The following MGAT4C variants were observed in gnomAD, a reference collection of about 807,000 sequenced individuals.
MGAT4C encodes the protein alpha-1,3-mannosyl-glycoprotein 4-beta-N-acetylglucosaminyltransferase C.
Under a neutral mutation model 40.1 loss-of-function variants are expected in MGAT4C, and 19 were observed. That is an observed-to-expected ratio of 0.47 (90% CI 0.33 to 0.70). The LOEUF is 0.70. MGAT4C is among the 30% of genes least tolerant of loss of function. The pLI is 0.02. For synonymous variants in MGAT4C, 181 were observed against 187.1 expected, an observed-to-expected ratio of 0.97 and a Z score of 0.27; for missense variants, 491 against 563.2, an observed-to-expected ratio of 0.87 and a Z score of 1.30.
chr12:85,957,053 C>T lies in MGAT4C; in HGVS notation c.*22236G>A, dbSNP rs1312602821. 6.6e-6 allele frequency: 1 copy of T among 152,088 alleles called. No homozygotes were observed. Among genetic ancestry groups the T allele is most frequent in the African/African-American group, 2.4e-5 (1 of 41,414 alleles). The allele number at this position is 152,088 out of a possible 1,614,324, so 9.4% of individuals were successfully genotyped here. ...TAAAATGAGAGTATGTAGATGCGAGCCCTTTGCTGCTGGCAAAGCTTTAAA... is the reference window on the plus strand; with the variant it reads ...TAAAATGAGAGTATGTAGATGCGAGTCCTTTGCTGCTGGCAAAGCTTTAAA... On this transcript the variant is annotated 3_prime_UTR_variant, in exon 5 of 5. Coordinates refer to ENST00000611864, the MANE Select transcript of MGAT4C (RefSeq NM_001351288.2).
chr12:86,237,659 G>A (rs950679333), intron 1 of MGAT4C, among the ~76,000 whole-genome samples: 1 of 151,766 alleles, frequency 6.6e-6, no homozygotes, highest in Non-Finnish European at 1.5e-5. Context: ...TGAATATTAG[G>A]AGATAAATTT....
intron 2 of MGAT4C, among the ~76,000 whole-genome samples, chr12:86,537,448 T>C (rs1287695215): frequency 2.0e-5 from 3 of 151,826 alleles, no homozygotes; most frequent in Non-Finnish European, 4.4e-5. Context: ...TAATAGTAAA[T>C]GATACACAGT....
intron 2 of MGAT4C, among the ~76,000 whole-genome samples, chr12:86,546,836 A>G: frequency 6.6e-6 from 1 of 152,074 alleles, no homozygotes; most frequent in East Asian, 1.9e-4. Context: ...CCCAAAAAAC[A>G]CCACTGTCTA....
At chr12:86,233,126 T>C (rs372601320) in intron 1 of MGAT4C, among the ~76,000 whole-genome samples, 132 of 152,346 alleles carry the variant, frequency 8.7e-4, no homozygotes, top group African/African-American at 3.1e-3. Flanking sequence ...TTGTATCATA[T>C]GTAGTGTTAC....
chr12:86,493,800 TAATAA>T (rs1206693119), intron 2 of MGAT4C, among the ~76,000 whole-genome samples: 5 of 151,656 alleles, frequency 3.3e-5, no homozygotes, highest in African/African-American at 4.8e-5. Context: ...AGTATAATAA[TAATAA>T]AATAAAATAA....
chr12:86,520,439 T>C (rs761703219), intron 2 of MGAT4C, among the ~76,000 whole-genome samples: 1 of 152,206 alleles, frequency 6.6e-6, no homozygotes, highest in African/African-American at 2.4e-5. Flanking sequence ...TAACTCATGA[T>C]GTATATCTAC....
At chr12:86,094,707 T>C (rs1380135082) in intron 1 of MGAT4C, among the ~76,000 whole-genome samples, 1 of 152,166 alleles carries the variant, frequency 6.6e-6, no homozygotes, top group Non-Finnish European at 1.5e-5. Flanking sequence ...TTCTTTTATT[T>C]CTCCTGAGTA....
intron 2 of MGAT4C, among the ~76,000 whole-genome samples, chr12:86,539,788 T>C (rs1592966177): frequency 6.6e-6 from 1 of 152,270 alleles, no homozygotes; most frequent in Non-Finnish European, 1.5e-5. Context: ...TGAGCATTTT[T>C]TCATGTATCT....
chr12:86,781,012 TTGTGTGTGTGTG>T (rs201109835), intron 1 of MGAT4C, among the ~76,000 whole-genome samples: 2 of 39,058 alleles, frequency 5.1e-5, no homozygotes, highest in African/African-American at 8.7e-5. Context: ...TGGCTGAGTA[TTGTGTGTGTGTG>T]TGTGTGTGTG....
At chr12:86,603,455 TATATA>T (rs1433792866) in intron 2 of MGAT4C, among the ~76,000 whole-genome samples, 3 of 117,194 alleles carry the variant, frequency 2.6e-5, no homozygotes, top group African/African-American at 1.2e-4. Context: ...GTCTATAGAC[TATATA>T]ATATATACTA....
intron 2 of MGAT4C, among the ~76,000 whole-genome samples, chr12:86,684,359 A>G (rs1565923870): frequency 6.6e-6 from 1 of 152,142 alleles, no homozygotes. Flanking sequence ...AAAGACATAA[A>G]CTCATTAATT....
intron 1 of MGAT4C, among the ~76,000 whole-genome samples, chr12:86,814,267 CATATACGTATATATAT>C: frequency 2.7e-5 from 3 of 112,390 alleles, no homozygotes; most frequent in Non-Finnish European, 5.7e-5. Context: ...CATATATATA[CATATACGTATATATAT>C]ACATATATAT....
At chr12:86,071,106 A>G (rs974349652) in intron 1 of MGAT4C, among the ~76,000 whole-genome samples, 3 of 152,112 alleles carry the variant, frequency 2.0e-5, no homozygotes, top group Non-Finnish European at 4.4e-5. Flanking sequence ...GGTAAAGCAC[A>G]AAAAGAGTAG....
rs188211069 is a variant in MGAT4C, at chr12:86,757,415, C to T, written c.-261-30174G>A. 3.5e-3 allele frequency among the ~76,000 whole-genome samples: 532 copies of T among 152,160 alleles called. 2 individuals carry two copies. The highest frequency in any genetic ancestry group is 0.012 in the African/African-American group (510 of 41,534). ...ATATTAAAAAATAGCCAAAAACTTA[C>T]TTTGTGCATTGCATTAAATAGCCTA... On this transcript the variant is annotated intron_variant, in intron 1 of 7. Coordinates refer to the MGAT4C transcript ENST00000548651.
intron 2 of MGAT4C, among the ~76,000 whole-genome samples, chr12:86,649,979 C>T (rs1963650910): frequency 6.6e-6 from 1 of 151,794 alleles, no homozygotes; most frequent in Non-Finnish European, 1.5e-5. Context: ...TGCAATGCAC[C>T]ATCAGTCTGG....
intron 2 of MGAT4C, among the ~76,000 whole-genome samples, chr12:86,578,741 C>T (rs551809185): frequency 1.3e-5 from 2 of 151,520 alleles, no homozygotes; most frequent in Non-Finnish European, 3.0e-5. Flanking sequence ...AATATTTGGA[C>T]CTTCCCTTGT....
intron 2 of MGAT4C, among the ~76,000 whole-genome samples, chr12:86,435,724 T>C (rs927330667): frequency 2.0e-5 from 3 of 151,844 alleles, no homozygotes; most frequent in South Asian, 2.1e-4. Context: ...CCCACATCAA[T>C]AATGCTTACA....
At chr12:86,582,013 A>G (rs558954470) in intron 2 of MGAT4C, among the ~76,000 whole-genome samples, 1 of 151,484 alleles carries the variant, frequency 6.6e-6, no homozygotes, top group African/African-American at 2.4e-5. Flanking sequence ...AGTATCTATG[A>G]TAAGTACAAG....
Position 86,099,716 on chromosome 12 carries a change from T to C in MGAT4C, c.-56-49993A>G, listed in dbSNP as rs953074790. Among the ~76,000 whole-genome samples the C allele has an allele frequency of 1.8e-4, 28 of 151,490 alleles. 1 individual carries two copies. The highest frequency in any genetic ancestry group is 3.0e-5 in the Non-Finnish European group (2 of 67,566). On this transcript the variant is annotated intron_variant, in intron 1 of 4. Coordinates refer to ENST00000611864, the MANE Select transcript of MGAT4C (RefSeq NM_001351288.2). The stretch of plus-strand genomic sequence containing the variant: ...TGTGTATATTTGTTGTTTATTTTGT[T>C]CATAGAGTCACATTCTAATTTTTAG...
Sources: gnomAD v4.1 joint callset for allele counts (sites outside exome capture counted in the v4.1 genomes callset) on GRCh38, gnomAD v4.1.1 for gene constraint, MANE v1.5 for transcripts, NCBI Gene and HGNC (gene_info 2026-07-23, HGNC 2026-07-21) for gene names.